The following TNS1 variants were observed in gnomAD, a reference collection of about 807,000 sequenced individuals.
The protein encoded by TNS1 is tensin-1.
A neutral mutation model predicts 168.6 loss-of-function variants in TNS1; 62 were observed. The observed-to-expected ratio is 0.37, with a 90% confidence interval of 0.30 to 0.45. The LOEUF (loss-of-function observed/expected upper bound fraction) is 0.45. Ranked by LOEUF, TNS1 falls within the 20% of genes least tolerant of loss-of-function variation. The pLI, the probability that TNS1 is intolerant of heterozygous loss-of-function variation, is 1.00. For missense variants in TNS1, 2,240 were observed against 2,339.4 expected, an observed-to-expected ratio of 0.96 and a Z score of 0.88; for synonymous variants, 934 against 933.2, an observed-to-expected ratio of 1.00 and a Z score of -0.02.
chr2:218,029,100 G>C (rs1215350021), intron 1 of TNS1, among the ~76,000 whole-genome samples: 1 of 152,194 alleles, frequency 6.6e-6, no homozygotes, highest in African/African-American at 2.4e-5. Context: ...CCCCTGCTAG[G>C]GACTCAGGCC....
At chr2:217,835,673 A>C (rs924582418) in intron 20 of TNS1, among the ~76,000 whole-genome samples, 1 of 152,226 alleles carries the variant, frequency 6.6e-6, no homozygotes, top group African/African-American at 2.4e-5. Context: ...ATATCTGCAA[A>C]GGGCTCAAAA....
intron 18 of TNS1, chr2:217,850,104 A>G: frequency 1.0e-6 from 1 of 985,020 alleles, no homozygotes; most frequent in Non-Finnish European, 1.2e-6. Context: ...ACCACTCAAG[A>G]CTCCAGGAAA....
At chr2:217,966,276 T>C (rs1957627642) in intron 3 of TNS1, among the ~76,000 whole-genome samples, 1 of 127,464 alleles carries the variant, frequency 7.8e-6, no homozygotes, top group African/African-American at 4.3e-5. Flanking sequence ...TGCGTGTGTG[T>C]GTGTGTGTGT....
chr2:217,956,026 G>A (rs1360258250), intron 3 of TNS1, among the ~76,000 whole-genome samples: 1 of 151,798 alleles, frequency 6.6e-6, no homozygotes, highest in Non-Finnish European at 1.5e-5. Context: ...TGGAGGACAT[G>A]AGCCCCCCCA....
chr2:217,896,494 T>C (rs1212709497), intron 8 of TNS1, among the ~76,000 whole-genome samples: 2 of 151,792 alleles, frequency 1.3e-5, no homozygotes, highest in Middle Eastern at 3.4e-3. Flanking sequence ...GAGATTGGAG[T>C]GATGCGCTAC....
At chr2:217,809,508 G>C (rs375718032) in intron 30 of TNS1, among the ~76,000 whole-genome samples, 5 of 81,114 alleles carry the variant, frequency 6.2e-5, no homozygotes, top group East Asian at 3.7e-4. Flanking sequence ...TGGATGCATG[G>C]ATGGATGGAT....
intron 18 of TNS1, among the ~76,000 whole-genome samples, chr2:217,854,555 C>T (rs555676640): frequency 4.6e-5 from 7 of 152,248 alleles, no homozygotes; most frequent in African/African-American, 9.6e-5. Context: ...GAAGAAGCAC[C>T]GTGCCTACCC....
intron 10 of TNS1, among the ~76,000 whole-genome samples, 171 bp from the exon 11 acceptor site, chr2:217,893,183 A>C (rs1231067279): frequency 6.6e-6 from 1 of 152,184 alleles, no homozygotes; most frequent in Non-Finnish European, 1.5e-5. Context: ...GTGGGGACTA[A>C]GTCTCAGAAA....
chr2:217,845,293 T>C (rs945604106), intron 19 of TNS1, among the ~76,000 whole-genome samples: 3 of 152,218 alleles, frequency 2.0e-5, no homozygotes, highest in Non-Finnish European at 4.4e-5. Context: ...TCAAAGTGTA[T>C]GTTCCAGCTT....
At chr2:217,959,346 A>AG (rs1443671849) in intron 3 of TNS1, among the ~76,000 whole-genome samples, 1 of 152,194 alleles carries the variant, frequency 6.6e-6, no homozygotes, top group Non-Finnish European at 1.5e-5. Context: ...CTGGTATCTT[A>AG]GCATGGAACC....
At chr2:217,979,905 C>G (rs576948936) in intron 2 of TNS1, among the ~76,000 whole-genome samples, 1 of 152,158 alleles carries the variant, frequency 6.6e-6, no homozygotes, top group Non-Finnish European at 1.5e-5. Context: ...TATTGCACCC[C>G]ACCCCCTTCC....
intron 3 of TNS1, among the ~76,000 whole-genome samples, chr2:217,926,085 G>C (rs960907602): frequency 6.6e-6 from 1 of 152,122 alleles, no homozygotes; most frequent in Non-Finnish European, 1.5e-5. Flanking sequence ...TAGAGGAAAC[G>C]AGGGCACAGA....
At chr2:217,831,062 C>T (rs1432107981) in intron 22 of TNS1, among the ~76,000 whole-genome samples, 2 of 152,028 alleles carry the variant, frequency 1.3e-5, no homozygotes, top group African/African-American at 2.4e-5. Context: ...CAGGGGCATG[C>T]TTCTCTGACT....
chr2:218,022,913 G>C (rs1241655440), intron 1 of TNS1, among the ~76,000 whole-genome samples: 1 of 152,138 alleles, frequency 6.6e-6, no homozygotes, highest in Non-Finnish European at 1.5e-5. Flanking sequence ...GCTACTGAGG[G>C]AGAGGGAGCT....
intron 11 of TNS1, among the ~76,000 whole-genome samples, chr2:217,892,308 G>A (rs189009128): frequency 6.6e-6 from 1 of 152,234 alleles, no homozygotes; most frequent in East Asian, 1.9e-4. Context: ...CACCATGTTG[G>A]CCAGGCTGGT....
intron 3 of TNS1, among the ~76,000 whole-genome samples, chr2:217,921,460 C>T (rs1243688160): frequency 6.6e-6 from 1 of 152,242 alleles, no homozygotes; most frequent in Non-Finnish European, 1.5e-5. Context: ...CTGAGCCCTT[C>T]CTCCAGCTGA....
chr2:218,020,579 T>C (rs1958798835), intron 1 of TNS1, among the ~76,000 whole-genome samples: 1 of 150,608 alleles, frequency 6.6e-6, no homozygotes, highest in Non-Finnish European at 1.5e-5. Flanking sequence ...GCTCAGATGC[T>C]TTTGGGGATA....
Position 217,817,919 on chromosome 2 carries a change from G to C in TNS1, c.4413C>G (p.Ala1471=), listed in dbSNP as rs570443682. 25 of 1,613,688 alleles carry C rather than the reference G, an allele frequency of 1.5e-5. No individual in the cohort carries two copies. In the African/African-American group the frequency reaches 3.3e-4, roughly 21 times the overall value. Residue 1471 remains alanine (A), a synonymous_variant, in exon 24 of 33, where the codon GCC becomes GCG. Transcript: ENST00000682258. The stretch of plus-strand genomic sequence containing the variant: ...CTGCGGAGTCTGGTGACGGGGAGGT[G>C]GCAGGGCTGCTCAGGCCAGGGTAGT... ...PAYYPGLSSP[A]TSPSPDSAAF... is the part of the protein sequence containing the mutation.
At chr2:217,992,423 G>T (rs1958391618) in intron 1 of TNS1, 1 of 152,304 alleles carries the variant, frequency 6.6e-6, no homozygotes. Context: ...GTCTGAAATA[G>T]AGGCTGGAGA....
Sources: allele counts gnomAD v4.1 joint callset (sites outside exome capture counted in the v4.1 genomes callset), GRCh38; gene constraint gnomAD v4.1.1; transcripts MANE v1.5; gene names NCBI Gene and HGNC (gene_info 2026-07-23, HGNC 2026-07-21).